The following DMXL2 variants were observed in gnomAD, a reference collection of about 807,000 sequenced individuals.
DMXL2 encodes the protein Dmx like 2, also known as dmX-like protein 2.
A neutral mutation model predicts 331.1 loss-of-function variants in DMXL2; 103 were observed. That is an observed-to-expected ratio of 0.31 (90% confidence interval 0.27 to 0.37). DMXL2 has a LOEUF of 0.37. Ranked by LOEUF, DMXL2 falls within the 10% of genes least tolerant of loss-of-function variation. The probability of loss-of-function intolerance (pLI) is 1.00; values close to 1 mark genes in which losing one functional copy is unlikely to be tolerated. For missense variants in DMXL2, 3,171 were observed against 3,642.9 expected (o/e 0.87, Z 3.33); for synonymous variants, 1,281 against 1,252.1 (o/e 1.02, Z -0.49).
intron 20 of DMXL2, among the ~76,000 whole-genome samples, chr15:51,490,013 T>A (rs190589564): frequency 3.5e-4 from 54 of 152,346 alleles, no homozygotes; most frequent in African/African-American, 1.3e-3. Flanking sequence ...TCCTCTTTTA[T>A]CCAGTGCTTT....
rs769891272 is a variant in DMXL2, at chr15:51,495,052, A to G, written c.4755T>C (p.Pro1585=). 1 of 1,613,278 alleles carries G rather than the reference A, an allele frequency of 6.2e-7. No individual in the cohort carries two copies. The highest frequency in any genetic ancestry group is 1.7e-5 in the Admixed American group (1 of 60,000). The part of the protein sequence containing the change: ...LHTCLLTSLP[P]LYRVQLLHQG... Reference sequence around the variant, plus strand: ...GATGAAGTAGCTGCACTCGGTATAAAGGAGGCAGCGATGTCAAAAGGCATG... The same window carrying G: ...GATGAAGTAGCTGCACTCGGTATAAGGGAGGCAGCGATGTCAAAAGGCATG... The change falls in exon 19 of 44, where the codon CCT becomes CCC. Residue 1585 remains proline (P), a synonymous_variant. Transcript: ENST00000560891.
chr15:51,454,177 TATACAC>T (rs2039406342), intron 40 of DMXL2: 4 of 152,514 alleles, frequency 2.6e-5, no homozygotes, highest in Admixed American at 1.3e-4. Context: ...AGAATTATCT[TATACAC>T]ATAATTAAGA....
At chr15:51,597,647 T>C (rs1386165079) in intron 1 of DMXL2, among the ~76,000 whole-genome samples, 1 of 152,212 alleles carries the variant, frequency 6.6e-6, no homozygotes, top group Non-Finnish European at 1.5e-5. Flanking sequence ...TTCTCTAGAA[T>C]ATACACACAA....
intron 1 of DMXL2, among the ~76,000 whole-genome samples, chr15:51,602,561 C>A (rs2053300564): frequency 6.6e-6 from 1 of 152,150 alleles, no homozygotes; most frequent in South Asian, 2.1e-4. Context: ...TCTGGAAAGG[C>A]AACTCAACAA....
At position 51,455,199 on chromosome 15, in the gene DMXL2, C is replaced by G. The variant is rs1372203324; in HGVS notation, c.8556G>C (p.Leu2852=). The change falls in exon 40 of 44, where the codon CTG becomes CTC. Residue 2852 remains leucine (L), a synonymous_variant. Coordinates refer to ENST00000560891, the MANE Select transcript of DMXL2 (RefSeq NM_001378457.1). ...KCGVADGEGF[L]SIWQVNQTAS... ...CAGTTTGGTTAACTTGCCAGATACTCAGAAAACCCTCTCCATCCGCAACAC... is the reference window on the plus strand; with the variant it reads ...CAGTTTGGTTAACTTGCCAGATACTGAGAAAACCCTCTCCATCCGCAACAC... The G allele has an allele frequency of 6.2e-7, 1 of 1,613,984 alleles. No homozygotes were observed. The highest frequency in any genetic ancestry group is 8.5e-7 in the Non-Finnish European group (1 of 1,180,010).
At chr15:51,483,912 T>C (rs550451276) in intron 23 of DMXL2, among the ~76,000 whole-genome samples, 3 of 151,936 alleles carry the variant, frequency 2.0e-5, no homozygotes, top group Admixed American at 6.5e-5. Flanking sequence ...ACCTGAGAAA[T>C]AGCCCCATGA....
chr15:51,592,713 T>A (rs2052478300), intron 1 of DMXL2, among the ~76,000 whole-genome samples: 1 of 152,230 alleles, frequency 6.6e-6, no homozygotes, highest in African/African-American at 2.4e-5. Flanking sequence ...ACAGCTGATC[T>A]CTCGGCATAA....
intron 6 of DMXL2, among the ~76,000 whole-genome samples, chr15:51,549,597 T>C (rs2052267065): frequency 6.6e-6 from 1 of 152,188 alleles, no homozygotes; most frequent in African/African-American, 2.4e-5. Flanking sequence ...GTGTTCCCTT[T>C]ATACCACATC....
At chr15:51,534,928 T>C (rs900486190) in intron 13 of DMXL2, among the ~76,000 whole-genome samples, 1 of 152,160 alleles carries the variant, frequency 6.6e-6, no homozygotes, top group African/African-American at 2.4e-5. Flanking sequence ...TGGCAATTAA[T>C]TACATACCAC....
chr15:51,577,950 C>T (rs2051156937), intron 1 of DMXL2, among the ~76,000 whole-genome samples: 2 of 152,070 alleles, frequency 1.3e-5, no homozygotes, highest in African/African-American at 4.8e-5. Context: ...AACAGTGCAC[C>T]AAGTCTCAAG....
intron 1 of DMXL2, among the ~76,000 whole-genome samples, chr15:51,609,988 G>A (rs921683538): frequency 1.3e-5 from 2 of 151,370 alleles, no homozygotes; most frequent in South Asian, 2.1e-4. Flanking sequence ...ATGTTTGCAC[G>A]ACGATGAAAT....
At chr15:51,469,267 A>C (rs1454098385) in intron 29 of DMXL2, among the ~76,000 whole-genome samples, 1 of 152,078 alleles carries the variant, frequency 6.6e-6, no homozygotes, top group Non-Finnish European at 1.5e-5. Flanking sequence ...GCTTCCAAAC[A>C]AAGTAGTGGG....
intron 15 of DMXL2, among the ~76,000 whole-genome samples, chr15:51,511,674 G>C (rs1203586291): frequency 3.3e-5 from 5 of 152,144 alleles, no homozygotes; most frequent in African/African-American, 4.8e-5. Flanking sequence ...ATTTGACCCA[G>C]CAATCCCATT....
intron 33 of DMXL2, chr15:51,460,512 G>T: frequency 3.5e-6 from 1 of 287,120 alleles, no homozygotes; most frequent in Non-Finnish European, 5.2e-6. Flanking sequence ...CCAAAAACTT[G>T]TTTTGTGAAA....
rs765474539 is a variant in DMXL2, at chr15:51,536,166, C to T, written c.2314G>A (p.Gly772Ser). 4.0e-5 allele frequency: 63 copies of T among 1,572,772 alleles called. No homozygotes were observed. Among genetic ancestry groups the T allele is most frequent in the Non-Finnish European group, 5.3e-5 (61 of 1,161,832 alleles). ...LPTLIPSYCL[G>S]TYCNSASACF... ...TTTCACAATTACAATGAACACTTAC[C>T]TAGACAGTAACTGGGAATGAGAGTT... is the stretch of plus-strand genomic sequence containing the variant. The change falls in exon 12 of 44, where the codon GGC (glycine) becomes AGC (serine). Residue 772 changes from glycine (G) to serine (S), a missense_variant and splice_region_variant. Coordinates refer to ENST00000560891, the MANE Select transcript of DMXL2 (RefSeq NM_001378457.1).
intron 1 of DMXL2, among the ~76,000 whole-genome samples, chr15:51,579,257 A>G (rs1050360259): frequency 2.8e-4 from 43 of 152,218 alleles, no homozygotes; most frequent in Admixed American, 2.7e-3. Context: ...ACCATTTTAT[A>G]TAATAACCAT....
chr15:51,572,542 T>C (rs2050743248), intron 2 of DMXL2, among the ~76,000 whole-genome samples: 1 of 152,138 alleles, frequency 6.6e-6, no homozygotes, highest in Non-Finnish European at 1.5e-5. Context: ...CTCAATAAAA[T>C]ACTGGCAAAC....
At position 51,563,454 on chromosome 15, in the gene DMXL2, A is replaced by T; in HGVS notation, c.501-7T>A. 1 of 1,598,778 alleles carries T rather than the reference A, an allele frequency of 6.3e-7. No homozygotes were observed. The highest frequency in any genetic ancestry group is 1.4e-5 in the African/African-American group (1 of 74,056). ...ATGTACAGATACTGAGGTTCTAAAA[A>T]AGAGAGAGTTAGGCAATTAGCCCTT... On this transcript the variant is annotated splice_region_variant and splice_polypyrimidine_tract_variant and intron_variant, in intron 5 of 43. Coordinates refer to ENST00000560891, the MANE Select transcript of DMXL2 (RefSeq NM_001378457.1).
rs2039949760 is a variant in DMXL2, at chr15:51,459,579, C to G, written c.7989+19G>C. The G allele has an allele frequency of 7.8e-7, 1 of 1,289,634 alleles. No homozygotes were observed. Among genetic ancestry groups the G allele is most frequent in the Non-Finnish European group, 1.0e-6 (1 of 988,744 alleles). The allele number at this position is 1,289,634 out of a possible 1,614,324, so 79.9% of individuals were successfully genotyped here. Reference sequence around the variant, plus strand: ...TGAACTTTAAAGAATGAGCTAAATACAAGATCTTGGAATACTACCTTGATG... The same window carrying G: ...TGAACTTTAAAGAATGAGCTAAATAGAAGATCTTGGAATACTACCTTGATG... On this transcript the variant is annotated intron_variant, in intron 34 of 43. Transcript: ENST00000560891.
Sources: gnomAD v4.1 joint callset for allele counts (sites outside exome capture counted in the v4.1 genomes callset) on GRCh38, gnomAD v4.1.1 for gene constraint, MANE v1.5 for transcripts, NCBI Gene and HGNC (gene_info 2026-07-23, HGNC 2026-07-21) for gene names.